SNX27: variants seen among roughly 807,000 people sequenced by gnomAD.
The protein encoded by SNX27 is sorting nexin 27, also known as sorting nexin-27.
In SNX27, 22 loss-of-function variants were observed where a neutral mutation model predicts 71.6. That is an observed-to-expected ratio of 0.31 (90% CI 0.22 to 0.44). The LOEUF is 0.44. SNX27 is among the 20% of genes least tolerant of loss of function. The probability of loss-of-function intolerance (pLI) is 1.00; values close to 1 mark genes in which losing one functional copy is unlikely to be tolerated. For missense variants in SNX27, 531 were observed against 698.6 expected (o/e 0.76, Z 2.70); for synonymous variants, 269 against 277.2 (o/e 0.97, Z 0.29).
chr1:151,659,711 G>T (rs1669871322), intron 3 of SNX27: 1 of 152,230 alleles, frequency 6.6e-6, no homozygotes, highest in South Asian at 2.1e-4. Context: ...TCAGGAGTCT[G>T]TGGATGTGGA....
chr1:151,675,465 T>C (rs1489309649), intron 7 of SNX27, among the ~76,000 whole-genome samples: 2 of 152,132 alleles, frequency 1.3e-5, no homozygotes, highest in African/African-American at 4.8e-5. Flanking sequence ...TCCTTTTTCA[T>C]ACAGTTTTTT....
At chr1:151,673,392 A>C (rs112723707) in intron 7 of SNX27, among the ~76,000 whole-genome samples, 5 of 152,108 alleles carry the variant, frequency 3.3e-5, no homozygotes, top group African/African-American at 9.7e-5. Context: ...TATTAATAAT[A>C]CTTGATACTC....
chr1:151,654,766 A>G (rs1669597056), intron 2 of SNX27, among the ~76,000 whole-genome samples: 1 of 152,200 alleles, frequency 6.6e-6, no homozygotes, highest in South Asian at 2.1e-4. Context: ...TGCATGTGAG[A>G]CAGAGAGCAA....
chr1:151,653,355 G>A (rs1322999262), intron 2 of SNX27, among the ~76,000 whole-genome samples: 4 of 152,182 alleles, frequency 2.6e-5, no homozygotes, highest in South Asian at 2.1e-4. Flanking sequence ...CTTGGAAATG[G>A]GCAATACTCT....
chr1:151,674,908 G>T (rs1038297469), intron 7 of SNX27, among the ~76,000 whole-genome samples: 4 of 151,522 alleles, frequency 2.6e-5, no homozygotes, highest in Admixed American at 2.6e-4. Context: ...GGATGGTCTT[G>T]ATCTCTTGAC....
chr1:151,685,058 C>T (rs1246468437), intron 8 of SNX27, among the ~76,000 whole-genome samples: 2 of 152,066 alleles, frequency 1.3e-5, no homozygotes, highest in African/African-American at 4.8e-5. Flanking sequence ...AACCGCTTGC[C>T]TCAGCCTCCC....
Position 151,660,857 on chromosome 1 carries a change from G to A in SNX27, c.796G>A (p.Asp266Asn), listed in dbSNP as rs779687444. The change falls in exon 4 of 12, where the codon GAT (aspartate) becomes AAT (asparagine). Residue 266 changes from aspartate to asparagine, a missense_variant. Asp to Asn is a conservative substitution (Grantham distance 23). Around this residue, in one of 5 missense-constraint regions of SNX27, gnomAD observed 184 missense variants for 289.6 expected, o/e 0.64. Coordinates refer to ENST00000458013, the MANE Select transcript of SNX27 (RefSeq NM_001330723.2). ...CATGCAGGAATTCCTATCAGAATCC[G>A]ATGAGGTAGGTGAATATCTCTTTTA... ...DIMQEFLSES[D>N]ENYNGVSDVE... 24 of 1,608,312 alleles carry A rather than the reference G, an allele frequency of 1.5e-5. No homozygotes were observed. The highest frequency in any genetic ancestry group is 2.2e-5 in the South Asian group (2 of 90,942).
chr1:151,653,505 A>C (rs1669532872), intron 2 of SNX27, among the ~76,000 whole-genome samples: 1 of 151,960 alleles, frequency 6.6e-6, no homozygotes, highest in Admixed American at 6.6e-5. Context: ...GGGGTTCTGA[A>C]GGTTTTTAAA....
Position 151,662,192 on chromosome 1 carries a change from G to C in SNX27, c.828G>C (p.Glu276Asp), listed in dbSNP as rs1669991535. The stretch of plus-strand genomic sequence containing the variant: ...ACTACAATGGTGTGTCCGACGTAGA[G>C]CTGAGAGTAGCATTACCAGATGGAA... ...DENYNGVSDV[E>D]LRVALPDGTT... Residue 276 changes from glutamate to aspartate, a missense_variant, in exon 5 of 12, where the codon GAG (glutamate) becomes GAC (aspartate). Coordinates refer to ENST00000458013, the MANE Select transcript of SNX27 (RefSeq NM_001330723.2). 1 of 1,613,626 alleles carries C rather than the reference G, an allele frequency of 6.2e-7. No individual in the cohort carries two copies. The highest frequency in any genetic ancestry group is 8.5e-7 in the Non-Finnish European group (1 of 1,179,668).
intron 1 of SNX27, chr1:151,615,916 T>A: frequency 1.5e-6 from 1 of 674,792 alleles, no homozygotes; most frequent in Non-Finnish European, 1.8e-6. Flanking sequence ...GGCTCTGTCC[T>A]AATCTTTAGT....
chr1:151,692,432 T>TTATTACAAAA lies in SNX27; in HGVS notation c.1240-3_1240-2insTATTACAAAA. The TTATTACAAAA allele has an allele frequency of 6.9e-7, 1 of 1,452,074 alleles. No individual in the cohort carries two copies. Among genetic ancestry groups the TTATTACAAAA allele is most frequent in the Non-Finnish European group, 9.1e-7 (1 of 1,101,932 alleles). 89.9% of individuals were successfully genotyped at this position (1,452,074 alleles called of 1,614,324 possible). On this transcript the variant is annotated splice_polypyrimidine_tract_variant and splice_region_variant and intron_variant, in intron 8 of 11. Transcript: ENST00000458013. ...TTTTTTTTTTTTTTTTTTTTTTTTT[T>TTATTACAAAA]AGTACCTCAACATGCTAAGGACTTG...
chr1:151,672,417 G>T (rs1035756068), intron 7 of SNX27, among the ~76,000 whole-genome samples: 2 of 151,998 alleles, frequency 1.3e-5, no homozygotes, highest in African/African-American at 4.8e-5. Flanking sequence ...GAGGATTTTT[G>T]TATTAATATT....
chr1:151,656,110 C>G lies in SNX27; in HGVS notation c.544-2125C>G, dbSNP rs182550169. Among the ~76,000 whole-genome samples, 115 of 151,474 alleles carry G rather than the reference C, an allele frequency of 7.6e-4. 2 individuals carry two copies. In the East Asian group the frequency reaches 0.015, roughly 20 times the overall value. On this transcript the variant is annotated intron_variant, in intron 2 of 11. Transcript: ENST00000458013. ...TGGTGGTGGGTGCCTGTAGTCTCAG[C>G]TACTTGGGAGGCAGAGGCAGGAGAA... is the stretch of plus-strand genomic sequence containing the variant.
chr1:151,619,626 A>G lies in SNX27; in HGVS notation c.311+7114A>G, dbSNP rs75063468. Among the ~76,000 whole-genome samples, 701 of 152,050 alleles carry G rather than the reference A, an allele frequency of 4.6e-3. 4 individuals carry two copies. Among genetic ancestry groups the G allele is most frequent in the African/African-American group, 0.015 (638 of 41,476 alleles). Reference sequence around the variant, plus strand: ...CACTCTGGTATTTTTTAGTTTGTTCATATTTTGAGTTTCTTTGTTCTGTTT... The same window carrying G: ...CACTCTGGTATTTTTTAGTTTGTTCGTATTTTGAGTTTCTTTGTTCTGTTT... On this transcript the variant is annotated intron_variant, in intron 1 of 11. Transcript: ENST00000458013.
chr1:151,625,037 C>T (rs142959389), intron 1 of SNX27, among the ~76,000 whole-genome samples: 16 of 152,306 alleles, frequency 1.1e-4, no homozygotes, highest in African/African-American at 3.8e-4. Flanking sequence ...GGTAAAAAGT[C>T]CCAGTGATGG....
chr1:151,615,271 A>G (rs1364517569), intron 1 of SNX27, among the ~76,000 whole-genome samples: 2 of 152,170 alleles, frequency 1.3e-5, no homozygotes, highest in Non-Finnish European at 2.9e-5. Context: ...CTTTGGTACT[A>G]TAGGGGAAGT....
intron 7 of SNX27, among the ~76,000 whole-genome samples, chr1:151,673,753 C>T (rs1670545422): frequency 6.6e-6 from 1 of 152,138 alleles, no homozygotes; most frequent in Non-Finnish European, 1.5e-5. Context: ...ATTGTTACAT[C>T]CTCTTGCTGA....
At chr1:151,646,065 T>G (rs1558049938) in intron 2 of SNX27, among the ~76,000 whole-genome samples, 1 of 152,170 alleles carries the variant, frequency 6.6e-6, no homozygotes, top group Non-Finnish European at 1.5e-5. Flanking sequence ...ATTTATCTCT[T>G]TATATAAGTC....
chr1:151,612,426 C>T lies in SNX27; in HGVS notation c.225C>T (p.Tyr75=), dbSNP rs868258581. Residue 75 remains tyrosine, a synonymous_variant, in exon 1 of 12, where the codon TAC becomes TAT. Coordinates refer to ENST00000458013, the MANE Select transcript of SNX27 (RefSeq NM_001330723.2). The surrounding 1 kb of genome is among the most constrained non-coding windows in gnomAD (Gnocchi z 5.2). ...GQLRSINGEL[Y]APLQHVSAVL... ...TGCGGAGCATCAACGGGGAGCTGTA[C>T]GCGCCGCTGCAGCATGTGAGCGCCG... 2 of 1,486,754 alleles carry T rather than the reference C, an allele frequency of 1.3e-6. No homozygotes were observed. Among genetic ancestry groups the T allele is most frequent in the Admixed American group, 2.4e-5 (1 of 41,744 alleles). 92.1% of individuals were successfully genotyped at this position (1,486,754 alleles called of 1,614,324 possible).
Sources: gnomAD v4.1 joint callset for allele counts (sites outside exome capture counted in the v4.1 genomes callset) on GRCh38, gnomAD v4.1.1 for gene constraint, gnomAD v4.1.1 regional missense constraint, Gnocchi (gnomAD v3.1) non-coding constraint, MANE v1.5 for transcripts, NCBI Gene and HGNC (gene_info 2026-07-23, HGNC 2026-07-21) for gene names.